Variants in DOCK4 observed in about 807,000 individuals in gnomAD.
DOCK4 encodes dedicator of cytokinesis protein 4.
In DOCK4, 97 loss-of-function variants were observed where a neutral mutation model predicts 268.1. The ratio of observed to expected loss-of-function variants is 0.36; its 90% CI spans 0.31 to 0.43. The LOEUF (loss-of-function observed/expected upper bound fraction) is 0.43, where lower values mean the gene tolerates loss of function less well. DOCK4 is among the 20% of genes least tolerant of loss of function. The pLI, the probability that DOCK4 is intolerant of heterozygous loss-of-function variation, is 1.00. For synonymous variants in DOCK4, 954 were observed against 887.2 expected (o/e 1.08, Z -1.34); for missense variants, 2,145 against 2,455.7 (o/e 0.87, Z 2.67).
chr7:111,758,924 A>G, intron 40 of DOCK4, 134 bp from the exon 41 acceptor site: 5 of 811,794 alleles, frequency 6.2e-6, no homozygotes, highest in Non-Finnish European at 9.4e-6. Context: ...CATTAAAAAA[A>G]TTACCAAGAA....
intron 25 of DOCK4, among the ~76,000 whole-genome samples, chr7:111,835,787 T>G (rs1277567300): frequency 6.6e-6 from 1 of 152,104 alleles, no homozygotes; most frequent in Non-Finnish European, 1.5e-5. Context: ...AGCAGCTGGG[T>G]GAGGAAAATT....
chr7:111,827,945 G>A (rs963002727), intron 26 of DOCK4, among the ~76,000 whole-genome samples: 1 of 152,150 alleles, frequency 6.6e-6, no homozygotes, highest in African/African-American at 2.4e-5. Context: ...TAATCGTGCT[G>A]TACTTAACTT....
rs201725754 is a variant in DOCK4, at chr7:111,995,365, T to G, written c.219-1134A>C. ...TAATTTGTCCTCTGTATCCTACCTT[T>G]GGCATATAATAATCTTCATCTCCAG... On this transcript the variant is annotated intron_variant, in intron 4 of 52. Coordinates refer to ENST00000428084, the MANE Select transcript of DOCK4 (RefSeq NM_001363540.2). Among the ~76,000 whole-genome samples the G allele has an allele frequency of 8.6e-5, 13 of 152,036 alleles. No individual in the cohort carries two copies. In the East Asian group the frequency reaches 1.7e-3, roughly 20 times the overall value.
rs373896398 is a variant in DOCK4 at position 111,822,355 on chromosome 7, G to A, written c.2930+7C>T. On this transcript the variant is annotated splice_region_variant and intron_variant, in intron 27 of 52. Coordinates refer to ENST00000428084, the MANE Select transcript of DOCK4 (RefSeq NM_001363540.2). Reference sequence around the variant, plus strand: ...AGCTGCAATTATCATCAACTTAAATGTCTTACTTGTTAGCAACCAAGCGCA... The same window carrying A: ...AGCTGCAATTATCATCAACTTAAATATCTTACTTGTTAGCAACCAAGCGCA... The A allele has an allele frequency of 1.0e-5, 16 of 1,607,860 alleles. No individual in the cohort carries two copies. The African/African-American group carries it at 2.0e-4, about 20-fold the overall frequency.
intron 36 of DOCK4, among the ~76,000 whole-genome samples, chr7:111,773,587 T>C (rs1279510391): frequency 6.6e-6 from 1 of 152,204 alleles, no homozygotes; most frequent in Non-Finnish European, 1.5e-5. Flanking sequence ...AATCGAGAAT[T>C]ACCAATATTG....
intron 30 of DOCK4, among the ~76,000 whole-genome samples, chr7:111,795,294 T>TAAACAAAC (rs139322505): frequency 5.3e-5 from 8 of 151,824 alleles, no homozygotes; most frequent in African/African-American, 1.7e-4. Flanking sequence ...AGGACTTCTC[T>TAAACAAAC]AAACAAACAA....
chr7:111,829,325 C>T (rs764020703), intron 26 of DOCK4, among the ~76,000 whole-genome samples: 2 of 152,156 alleles, frequency 1.3e-5, no homozygotes, highest in Non-Finnish European at 2.9e-5. Context: ...CTGAGTTTAG[C>T]TGCCTGAGCA....
At chr7:112,060,152 T>A (rs780546741) in intron 1 of DOCK4, among the ~76,000 whole-genome samples, 8 of 152,180 alleles carry the variant, frequency 5.3e-5, no homozygotes, top group Non-Finnish European at 1.2e-4. Context: ...AAAGAATAGA[T>A]AAGCTTTCAT....
At chr7:112,071,273 G>A (rs1807558885) in intron 1 of DOCK4, among the ~76,000 whole-genome samples, 1 of 152,016 alleles carries the variant, frequency 6.6e-6, no homozygotes, top group Non-Finnish European at 1.5e-5. Context: ...GTAAAAACTC[G>A]GACACAGATT....
intron 1 of DOCK4, among the ~76,000 whole-genome samples, chr7:112,186,416 G>T (rs900904541): frequency 2.0e-5 from 3 of 152,076 alleles, no homozygotes; most frequent in African/African-American, 7.2e-5. Context: ...TGTGATCCTG[G>T]ACAGGTTCTA....
intron 1 of DOCK4, among the ~76,000 whole-genome samples, chr7:112,187,950 T>C (rs1014951470): frequency 6.6e-6 from 1 of 152,230 alleles, no homozygotes; most frequent in African/African-American, 2.4e-5. Flanking sequence ...TTTCTTTGAA[T>C]TGGTACCATG....
At chr7:111,797,044 C>T (rs921015856) in intron 30 of DOCK4, among the ~76,000 whole-genome samples, 1 of 152,216 alleles carries the variant, frequency 6.6e-6, no homozygotes, top group Non-Finnish European at 1.5e-5. Flanking sequence ...TTTATTCTCA[C>T]TTCTTTTTCT....
At chr7:111,942,180 G>A (rs1795266590) in intron 10 of DOCK4, among the ~76,000 whole-genome samples, 1 of 152,130 alleles carries the variant, frequency 6.6e-6, no homozygotes, top group African/African-American at 2.4e-5. Flanking sequence ...AAAGTCAAAA[G>A]GGAGGCATAG....
chr7:111,812,273 T>G lies in DOCK4; in HGVS notation c.2931-324A>C, dbSNP rs78917863. ...AAAGCAAAATGATTTACTACAAACA[T>G]AACATTTCATATTTTTCTGTTTTTG... On this transcript the variant is annotated intron_variant, in intron 27 of 52. Transcript: ENST00000428084. Among the ~76,000 whole-genome samples, 482 of 152,346 alleles carry G rather than the reference T, an allele frequency of 3.2e-3. 17 individuals carry two copies. In the East Asian group the frequency reaches 0.074, roughly 23 times the overall value.
intron 1 of DOCK4, among the ~76,000 whole-genome samples, chr7:112,155,794 T>A (rs1361591715): frequency 6.6e-6 from 1 of 152,184 alleles, no homozygotes; most frequent in Non-Finnish European, 1.5e-5. Context: ...CAGCCTATCA[T>A]CATCCAAAAG....
In DOCK4 at chr7:111,758,937, C is replaced by T. The variant is rs140719449; in HGVS notation, c.4163-147G>A. ...GTCATTAAAAAAATTACCAAGAAGA[C>T]GCCAGGAACTCAGTTCTAGCAAATC... On this transcript the variant is annotated intron_variant, in intron 40 of 52. Transcript: ENST00000428084. The T allele has an allele frequency of 4.0e-4, 287 of 711,470 alleles. 2 individuals are homozygous for T. In the African/African-American group the frequency reaches 4.2e-3, roughly 10 times the overall value. 44.1% of individuals were successfully genotyped at this position (711,470 alleles called of 1,614,324 possible).
intron 12 of DOCK4, among the ~76,000 whole-genome samples, chr7:111,926,165 A>AGG: frequency 6.8e-6 from 1 of 147,866 alleles, no homozygotes; most frequent in Non-Finnish European, 1.5e-5. Context: ...AAAGAAAGAA[A>AGG]AAGAAGGAAG....
chr7:112,002,129 A>C (rs1345973853), intron 2 of DOCK4, among the ~76,000 whole-genome samples: 1 of 152,172 alleles, frequency 6.6e-6, no homozygotes, highest in Non-Finnish European at 1.5e-5. Flanking sequence ...TCCTCCTCAT[A>C]ATACATTTTC....
chr7:111,892,681 T>C (rs1808392221), intron 16 of DOCK4, among the ~76,000 whole-genome samples: 1 of 152,226 alleles, frequency 6.6e-6, no homozygotes, highest in African/African-American at 2.4e-5. Context: ...TCTTTTTAAA[T>C]ACTGAATTCA....
Sources: gnomAD v4.1 joint callset for allele counts (sites outside exome capture counted in the v4.1 genomes callset) on GRCh38, gnomAD v4.1.1 for gene constraint, MANE v1.5 for transcripts, NCBI Gene and HGNC (gene_info 2026-07-23, HGNC 2026-07-21) for gene names.